LDB2: variants seen among roughly 807,000 people sequenced by gnomAD.
LDB2 encodes LIM domain-binding protein 2.
A neutral mutation model predicts 44.3 loss-of-function variants in LDB2; 12 were observed. That is an observed-to-expected ratio of 0.27 (90% CI 0.17 to 0.44). LDB2 has a LOEUF of 0.44. Ranked by LOEUF, LDB2 falls within the 20% of genes least tolerant of loss-of-function variation. The pLI, the probability that LDB2 is intolerant of heterozygous loss-of-function variation, is 1.00. For missense variants in LDB2, 344 were observed against 473.5 expected (o/e 0.73, Z 2.54); for synonymous variants, 164 against 174.8 (o/e 0.94, Z 0.49).
intron 2 of LDB2, among the ~76,000 whole-genome samples, chr4:16,643,989 T>C (rs1261299364): frequency 6.6e-6 from 1 of 152,226 alleles, no homozygotes; most frequent in Non-Finnish European, 1.5e-5. Context: ...CCCTTCCAAG[T>C]GCTGCTTCTT....
At chr4:16,686,421 C>T (rs1359304203) in intron 2 of LDB2, among the ~76,000 whole-genome samples, 1 of 152,192 alleles carries the variant, frequency 6.6e-6, no homozygotes, top group Non-Finnish European at 1.5e-5. Context: ...ATGGCTTAAG[C>T]AACTTGCCCA....
intron 2 of LDB2, among the ~76,000 whole-genome samples, chr4:16,638,294 T>C (rs1734169543): frequency 6.6e-6 from 1 of 152,242 alleles, no homozygotes. Flanking sequence ...TGGTGTTGAA[T>C]GGGCACAGTG....
intron 2 of LDB2, among the ~76,000 whole-genome samples, chr4:16,695,075 G>C (rs556450124): frequency 1.3e-5 from 2 of 152,150 alleles, no homozygotes; most frequent in African/African-American, 4.8e-5. Flanking sequence ...GATTCCCCTA[G>C]CATGGACTTG....
At chr4:16,592,505 T>TATATATATATATATATATATACACAC (rs757702164) in intron 3 of LDB2, among the ~76,000 whole-genome samples, 1 of 108,054 alleles carries the variant, frequency 9.3e-6, no homozygotes, top group African/African-American at 3.8e-5. Context: ...TATATATATA[T>TATATATATATATATATATATACACAC]ACACACACAC....
At chr4:16,834,843 A>G (rs1293901781) in intron 1 of LDB2, among the ~76,000 whole-genome samples, 1 of 151,026 alleles carries the variant, frequency 6.6e-6, no homozygotes, top group East Asian at 1.9e-4. Context: ...AAAAAAAGGC[A>G]GGAGTCAAGA....
intron 1 of LDB2, among the ~76,000 whole-genome samples, chr4:16,893,605 T>C (rs1026833756): frequency 1.3e-5 from 2 of 152,170 alleles, no homozygotes; most frequent in Non-Finnish European, 2.9e-5. Context: ...CGAACATTTG[T>C]AACCTTCATA....
chr4:16,643,523 G>A (rs1210358403), intron 2 of LDB2, among the ~76,000 whole-genome samples: 1 of 152,046 alleles, frequency 6.6e-6, no homozygotes, highest in Non-Finnish European at 1.5e-5. Context: ...TTGTTAAATG[G>A]CACTAAAACT....
intron 2 of LDB2, among the ~76,000 whole-genome samples, chr4:16,708,915 G>C (rs1032282518): frequency 6.6e-6 from 1 of 152,022 alleles, no homozygotes; most frequent in Non-Finnish European, 1.5e-5. Flanking sequence ...TCACTCTGCA[G>C]GTCTCTACCC....
At chr4:16,883,612 T>C (rs922952601) in intron 1 of LDB2, among the ~76,000 whole-genome samples, 26 of 152,200 alleles carry the variant, frequency 1.7e-4, no homozygotes, top group African/African-American at 6.3e-4. Flanking sequence ...TCATGTCCCA[T>C]GTGCTGGGTG....
chr4:16,549,576 T>C (rs1218036650), intron 5 of LDB2, among the ~76,000 whole-genome samples: 1 of 152,210 alleles, frequency 6.6e-6, no homozygotes, highest in Non-Finnish European at 1.5e-5. Context: ...TCTCCCCTTA[T>C]CCAGCTTCTG....
At chr4:16,522,184 GA>G (rs1726365738) in intron 5 of LDB2, among the ~76,000 whole-genome samples, 1 of 152,138 alleles carries the variant, frequency 6.6e-6, no homozygotes, top group African/African-American at 2.4e-5. Flanking sequence ...CTATTACCAA[GA>G]GGGGGGCAGG....
intron 2 of LDB2, among the ~76,000 whole-genome samples, chr4:16,739,309 A>G (rs989985727): frequency 2.0e-5 from 3 of 151,768 alleles, no homozygotes; most frequent in African/African-American, 7.2e-5. Context: ...AAAGTAGGCC[A>G]GGAATGGTGG....
chr4:16,663,656 G>T (rs370770179), intron 2 of LDB2, among the ~76,000 whole-genome samples: 1 of 152,236 alleles, frequency 6.6e-6, no homozygotes, highest in Middle Eastern at 3.4e-3. Context: ...TTGAGCACAG[G>T]GTAGCTAGTA....
chr4:16,557,178 C>T lies in LDB2; in HGVS notation c.615+28744G>A, dbSNP rs537350284. Among the ~76,000 whole-genome samples, 13 of 152,298 alleles carry T rather than the reference C, an allele frequency of 8.5e-5. No individual in the cohort carries two copies. In the East Asian group the frequency reaches 1.9e-3, roughly 23 times the overall value. On this transcript the variant is annotated intron_variant, in intron 5 of 7. Coordinates refer to ENST00000304523, the MANE Select transcript of LDB2 (RefSeq NM_001290.5). ...AGACGGGTGATTTCTGCATTTTCAT[C>T]TGAGGTACCAGGTTCATCTCACTAG... is the stretch of plus-strand genomic sequence containing the variant.
At chr4:16,695,136 G>A (rs759385419) in intron 2 of LDB2, among the ~76,000 whole-genome samples, 4 of 152,164 alleles carry the variant, frequency 2.6e-5, no homozygotes, top group African/African-American at 4.8e-5. Flanking sequence ...ATTACTCAGT[G>A]CCTTGAAATG....
intron 2 of LDB2, among the ~76,000 whole-genome samples, chr4:16,645,901 G>T (rs1457422488): frequency 6.6e-6 from 1 of 152,196 alleles, no homozygotes; most frequent in Admixed American, 6.5e-5. Context: ...CAGAATGTAA[G>T]TAATTAGTCT....
intron 5 of LDB2, among the ~76,000 whole-genome samples, chr4:16,578,813 A>G (rs542061403): frequency 3.2e-4 from 48 of 152,216 alleles, no homozygotes; most frequent in Non-Finnish European, 7.1e-4. Flanking sequence ...CAACAGACAA[A>G]TGAATAAAGA....
At chr4:16,671,129 A>C (rs956594089) in intron 2 of LDB2, among the ~76,000 whole-genome samples, 10 of 151,728 alleles carry the variant, frequency 6.6e-5, no homozygotes, top group African/African-American at 2.4e-4. Context: ...AACAAAAAAA[A>C]CAAGTGCTTA....
At chr4:16,629,540 CCTGT>C (rs1209234470) in intron 2 of LDB2, among the ~76,000 whole-genome samples, 3 of 151,948 alleles carry the variant, frequency 2.0e-5, no homozygotes, top group East Asian at 1.9e-4. Context: ...AGCTGAGGGG[CCTGT>C]CTGTTAGAAG....
Sources: allele counts gnomAD v4.1 joint callset (sites outside exome capture counted in the v4.1 genomes callset), GRCh38; gene constraint gnomAD v4.1.1; transcripts MANE v1.5; gene names NCBI Gene and HGNC (gene_info 2026-07-23, HGNC 2026-07-21).